The following SFSWAP variants were observed in gnomAD, a reference collection of about 807,000 sequenced individuals.
SFSWAP encodes splicing factor SWAP.
Under a neutral mutation model 100.7 loss-of-function variants are expected in SFSWAP, and 17 were observed. That is an observed-to-expected ratio of 0.17 (90% CI 0.12 to 0.25). SFSWAP has a LOEUF of 0.25. SFSWAP is among the 10% of genes least tolerant of loss of function. SFSWAP has a pLI of 1.00. For missense variants in SFSWAP, 1,005 were observed against 1,262.6 expected (o/e 0.80, Z 3.09); for synonymous variants, 504 against 510.1 (o/e 0.99, Z 0.16).
intron 15 of SFSWAP, among the ~76,000 whole-genome samples, chr12:131,787,231 C>T (rs1884959500): frequency 6.6e-6 from 1 of 152,228 alleles, no homozygotes; most frequent in African/African-American, 2.4e-5. Context: ...TCACCCCTCA[C>T]TCAGTGCCTG....
intron 12 of SFSWAP, among the ~76,000 whole-genome samples, chr12:131,764,915 G>A (rs572555445): frequency 3.3e-5 from 5 of 152,324 alleles, no homozygotes; most frequent in East Asian, 1.9e-4. Flanking sequence ...GTTTGTTTTC[G>A]AAGAAACTGA....
At position 131,724,817 on chromosome 12, in the gene SFSWAP, T is replaced by C. The variant is rs189601236; in HGVS notation, c.607-588T>C. Among the ~76,000 whole-genome samples the C allele has an allele frequency of 2.0e-3, 307 of 152,320 alleles. 2 individuals carry two copies. Among genetic ancestry groups the C allele is most frequent in the Admixed American group, 5.0e-3 (77 of 15,306 alleles). Reference sequence around the variant, plus strand: ...CACCTAGGTGGTCTTCAGCTTGGGATACTGCTTTTAAGTGGGAATGGCAGT... The same window carrying C: ...CACCTAGGTGGTCTTCAGCTTGGGACACTGCTTTTAAGTGGGAATGGCAGT... On this transcript the variant is annotated intron_variant, in intron 4 of 17. Transcript: ENST00000261674.
At chr12:131,739,577 GCT>G (rs1880404095) in intron 7 of SFSWAP, among the ~76,000 whole-genome samples, 1 of 91,246 alleles carries the variant, frequency 1.1e-5, no homozygotes, top group Non-Finnish European at 2.0e-5. Context: ...ATGGAGTCTT[GCT>G]CTGTCTCCCA....
chr12:131,782,187 C>A (rs914181449), intron 14 of SFSWAP, among the ~76,000 whole-genome samples: 21 of 152,326 alleles, frequency 1.4e-4, no homozygotes, highest in African/African-American at 4.6e-4. Context: ...TCACCATAAC[C>A]TTTTCTTGTG....
intron 13 of SFSWAP, among the ~76,000 whole-genome samples, chr12:131,775,219 G>A (rs1277799653): frequency 1.3e-5 from 2 of 152,232 alleles, no homozygotes; most frequent in Admixed American, 6.5e-5. Context: ...GCAAAGACGT[G>A]TTTCTCTTCC....
rs1272940515 is a variant in SFSWAP, at chr12:131,734,818, C to A, written c.1081+6390C>A. ...CTGCGTGCGCACGTCTACGTACGCT[C>A]GTGTATGCTGAGGAGCAGGCATTGG... is the stretch of plus-strand genomic sequence containing the variant. On this transcript the variant is annotated intron_variant, in intron 7 of 17. Coordinates refer to ENST00000261674, the MANE Select transcript of SFSWAP (RefSeq NM_004592.4). This position sits in a 1 kb window ranked among gnomAD's most constrained non-coding sequence, Gnocchi z 4.9. Among the ~76,000 whole-genome samples the A allele has an allele frequency of 6.7e-6, 1 of 148,648 alleles. No individual in the cohort carries two copies.
intron 7 of SFSWAP, among the ~76,000 whole-genome samples, chr12:131,738,882 A>ATTTTTTTTTTTTTTTT (rs1555243205): frequency 4.7e-4 from 19 of 40,186 alleles, no homozygotes; most frequent in Non-Finnish European, 1.1e-3. Flanking sequence ...AATGAACATT[A>ATTTTTTTTTTTTTTTT]TTCTTTTTTT....
chr12:131,720,009 C>T (rs1268716595), intron 4 of SFSWAP, among the ~76,000 whole-genome samples: 1 of 152,186 alleles, frequency 6.6e-6, no homozygotes, highest in Non-Finnish European at 1.5e-5. Context: ...TGTGGCATCT[C>T]CAGGCCCAGG....
intron 7 of SFSWAP, among the ~76,000 whole-genome samples, chr12:131,749,133 C>T (rs1412250206): frequency 6.6e-6 from 1 of 152,232 alleles, no homozygotes; most frequent in Admixed American, 6.5e-5. Context: ...CCGTCAGCTA[C>T]TGTAGGTGCC....
chr12:131,721,155 G>A (rs1276006111), intron 4 of SFSWAP, among the ~76,000 whole-genome samples: 3 of 152,120 alleles, frequency 2.0e-5, no homozygotes, highest in Admixed American at 6.5e-5. Context: ...GAGCAGCACC[G>A]AGGAGATGGT....
intron 3 of SFSWAP, among the ~76,000 whole-genome samples, chr12:131,718,572 A>G (rs924452553): frequency 6.6e-6 from 1 of 152,208 alleles, no homozygotes; most frequent in Admixed American, 6.5e-5. Flanking sequence ...ATAGAAATGG[A>G]AAAATAATTG....
At chr12:131,784,799 A>C (rs1884772145) in intron 14 of SFSWAP, 1 of 289,554 alleles carries the variant, frequency 3.5e-6, no homozygotes, top group Non-Finnish European at 6.4e-6. Flanking sequence ...TTTTCCCCAG[A>C]TAACTTGAAA....
At chr12:131,766,883 C>G (rs1299216310) in intron 13 of SFSWAP, among the ~76,000 whole-genome samples, 1 of 152,272 alleles carries the variant, frequency 6.6e-6, no homozygotes, top group African/African-American at 2.4e-5. Context: ...AGGGGGTGCT[C>G]AGAACAGTGC....
intron 8 of SFSWAP, 33 bp downstream of exon 8, chr12:131,753,396 G>A (rs778920029): frequency 1.3e-6 from 2 of 1,591,800 alleles, no homozygotes; most frequent in Admixed American, 1.7e-5. Flanking sequence ...CCTGCTGTGT[G>A]AGTCACTCAG....
chr12:131,762,948 T>G (rs1206604043), intron 11 of SFSWAP, among the ~76,000 whole-genome samples: 4 of 152,026 alleles, frequency 2.6e-5, no homozygotes. Flanking sequence ...AAACAGAATA[T>G]CACATAATGA....
At chr12:131,796,798 A>C (rs1052625068) in intron 15 of SFSWAP, 4 of 171,922 alleles carry the variant, frequency 2.3e-5, no homozygotes, top group African/African-American at 9.5e-5. Flanking sequence ...AAAAAAAAGG[A>C]ACACTAAACT....
chr12:131,790,149 C>G (rs1163881196), intron 15 of SFSWAP, among the ~76,000 whole-genome samples: 1 of 152,298 alleles, frequency 6.6e-6, no homozygotes, highest in South Asian at 2.1e-4. Context: ...GACTCAGGAG[C>G]ATTTTTGGTT....
chr12:131,768,619 GCTCTGGCCA>G (rs1883316834), intron 13 of SFSWAP, among the ~76,000 whole-genome samples: 1 of 152,176 alleles, frequency 6.6e-6, no homozygotes, highest in African/African-American at 2.4e-5. Flanking sequence ...AGTCCCGAGT[GCTCTGGCCA>G]CCCGCTGTAG....
At chr12:131,756,906 A>G in intron 11 of SFSWAP, 1 of 384,486 alleles carries the variant, frequency 2.6e-6, no homozygotes, top group Non-Finnish European at 4.7e-6. Flanking sequence ...ATTTGTACAG[A>G]AAGTTTCAAA....
Sources: gnomAD v4.1 joint callset for allele counts (sites outside exome capture counted in the v4.1 genomes callset) on GRCh38, gnomAD v4.1.1 for gene constraint, Gnocchi (gnomAD v3.1) non-coding constraint, MANE v1.5 for transcripts, NCBI Gene and HGNC (gene_info 2026-07-23, HGNC 2026-07-21) for gene names.